The following LYSMD2 variants were observed in gnomAD, a reference collection of about 807,000 sequenced individuals.
LYSMD2 encodes lysM and putative peptidoglycan-binding domain-containing protein 2.
Under a neutral mutation model 17.7 loss-of-function variants are expected in LYSMD2, and 6 were observed. That is an observed-to-expected ratio of 0.34 (90% CI 0.19 to 0.67). The LOEUF is 0.67. LYSMD2 is among the 30% of genes least tolerant of loss of function. The pLI is 0.69. For synonymous variants in LYSMD2, 102 were observed against 129.8 expected (o/e 0.79, Z 1.45); for missense variants, 237 against 286.7 (o/e 0.83, Z 1.25).
intron 1 of LYSMD2, among the ~76,000 whole-genome samples, chr15:51,732,219 C>T (rs2055581501): frequency 6.6e-6 from 1 of 152,110 alleles, no homozygotes; most frequent in Admixed American, 6.5e-5. Context: ...CAGCCCCTGC[C>T]CTGGATCCTG....
At chr15:51,727,178 C>A (rs1289967211) in intron 1 of LYSMD2, among the ~76,000 whole-genome samples, 1 of 152,054 alleles carries the variant, frequency 6.6e-6, no homozygotes, top group East Asian at 1.9e-4. Context: ...CCTTTCAAAC[C>A]CACTCTCCCC....
At chr15:51,749,579 C>T (rs947496458) in intron 1 of LYSMD2, among the ~76,000 whole-genome samples, 5 of 152,204 alleles carry the variant, frequency 3.3e-5, no homozygotes, top group African/African-American at 4.8e-5. Context: ...TGCAGAACCA[C>T]GGGAAACCAA....
intron 1 of LYSMD2, chr15:51,751,140 C>T (rs1417983524): frequency 1.6e-6 from 1 of 614,072 alleles, no homozygotes; most frequent in Non-Finnish European, 3.0e-6. Context: ...CAGCCCCTCA[C>T]GCCATCACCC....
At chr15:51,724,002 C>T (rs1704133683) in intron 2 of LYSMD2, among the ~76,000 whole-genome samples, 1 of 151,532 alleles carries the variant, frequency 6.6e-6, no homozygotes, top group African/African-American at 2.4e-5. Context: ...CAACAAAAGG[C>T]ATATATACAA....
At chr15:51,750,125 G>C (rs1274803207) in intron 1 of LYSMD2, among the ~76,000 whole-genome samples, 1 of 152,214 alleles carries the variant, frequency 6.6e-6, no homozygotes, top group Non-Finnish European at 1.5e-5. Context: ...GCCCACAGTG[G>C]AAGGAGAGAA....
intron 1 of LYSMD2, among the ~76,000 whole-genome samples, chr15:51,736,366 T>C (rs2055608733): frequency 1.3e-5 from 2 of 152,208 alleles, no homozygotes; most frequent in Non-Finnish European, 2.9e-5. Context: ...AGTCAATACA[T>C]GACTGCACAG....
At chr15:51,730,995 A>C (rs1241406878) in intron 1 of LYSMD2, among the ~76,000 whole-genome samples, 1 of 152,250 alleles carries the variant, frequency 6.6e-6, no homozygotes, top group Non-Finnish European at 1.5e-5. Flanking sequence ...AGAAAAGTAC[A>C]TGAGATTCTA....
At chr15:51,733,091 C>T (rs770611472) in intron 1 of LYSMD2, among the ~76,000 whole-genome samples, 1 of 152,166 alleles carries the variant, frequency 6.6e-6, no homozygotes, top group Non-Finnish European at 1.5e-5. Flanking sequence ...AAGCACCAGC[C>T]ACAGTACTCC....
intron 1 of LYSMD2, among the ~76,000 whole-genome samples, chr15:51,746,991 C>T (rs1280413935): frequency 7.0e-6 from 1 of 142,672 alleles, no homozygotes; most frequent in African/African-American, 2.7e-5. Flanking sequence ...ACCAGCCTAG[C>T]CAACATGGTG....
chr15:51,748,677 A>G (rs572045315), intron 1 of LYSMD2, among the ~76,000 whole-genome samples: 8 of 152,340 alleles, frequency 5.3e-5, no homozygotes, highest in African/African-American at 1.9e-4. Context: ...GATTCATCGT[A>G]TCTCTTTACA....
At chr15:51,746,009 T>G (rs530780678) in intron 1 of LYSMD2, among the ~76,000 whole-genome samples, 1 of 152,340 alleles carries the variant, frequency 6.6e-6, no homozygotes, top group Non-Finnish European at 1.5e-5. Context: ...GGTTAGAATG[T>G]AAAATGGTGC....
At chr15:51,745,102 A>G (rs893586551) in intron 1 of LYSMD2, among the ~76,000 whole-genome samples, 1 of 152,174 alleles carries the variant, frequency 6.6e-6, no homozygotes, top group African/African-American at 2.4e-5. Flanking sequence ...AGGACAAGCA[A>G]ACACTGAATT....
upstream of LYSMD2, chr15:51,737,852 G>T (rs2055622712): frequency 3.3e-6 from 1 of 306,238 alleles, no homozygotes. The surrounding 1 kb of genome is among the most constrained non-coding windows in gnomAD (Gnocchi z 4.2). Flanking sequence ...GCAAGGTTAA[G>T]AGCGAAAGCA....
exon 1 of LYSMD2, chr15:51,751,287 C>A (rs1251929766): frequency 1.4e-6 from 1 of 702,530 alleles, no homozygotes; most frequent in Non-Finnish European, 2.6e-6. Flanking sequence ...CCGCTCTCAA[C>A]GCGGCTTCCG....
chr15:51,739,386 A>G (rs2055632279), upstream of LYSMD2, among the ~76,000 whole-genome samples: 1 of 152,220 alleles, frequency 6.6e-6, no homozygotes, highest in African/African-American at 2.4e-5. Context: ...ATTGAGGTGT[A>G]GTAAAAAGAT....
chr15:51,743,066 A>G (rs2055651155), intron 1 of LYSMD2, among the ~76,000 whole-genome samples: 1 of 152,160 alleles, frequency 6.6e-6, no homozygotes, highest in Admixed American at 6.5e-5. Context: ...TACAACCTAG[A>G]TATTCTATGT....
In LYSMD2 at chr15:51,723,550, G is replaced by T; in HGVS notation, c.*57C>A. 1 of 1,369,884 alleles carries T rather than the reference G, an allele frequency of 7.3e-7. No homozygotes were observed. The highest frequency in any genetic ancestry group is 1.0e-6 in the Non-Finnish European group (1 of 959,038). The allele number at this position is 1,369,884 out of a possible 1,614,324, so 84.9% of individuals were successfully genotyped here. A position where few individuals can be genotyped will look rare whatever the true frequency, so the allele number is the denominator to read the frequency against. On this transcript the variant is annotated 3_prime_UTR_variant, in exon 3 of 3. Transcript: ENST00000267838. ...GATGTTTTTGAATCTTCAGTTGTTG[G>T]ATTCTTTATGGTCCAAACATATCTT... is the stretch of plus-strand genomic sequence containing the variant.
At chr15:51,749,852 A>G (rs1410055214) in intron 1 of LYSMD2, among the ~76,000 whole-genome samples, 1 of 152,360 alleles carries the variant, frequency 6.6e-6, no homozygotes, top group East Asian at 1.9e-4. Flanking sequence ...CATGACTTAA[A>G]GTAATTTGGT....
chr15:51,737,688 G>T, upstream of LYSMD2: 3 of 1,100,030 alleles, frequency 2.7e-6, no homozygotes, highest in Non-Finnish European at 3.4e-6. This position sits in a 1 kb window ranked among gnomAD's most constrained non-coding sequence, Gnocchi z 4.2. Context: ...CTCCTCCGCC[G>T]CCGCCGCCGC....
Sources: allele counts gnomAD v4.1 joint callset (sites outside exome capture counted in the v4.1 genomes callset), GRCh38; gene constraint gnomAD v4.1.1; non-coding constraint Gnocchi (gnomAD v3.1); transcripts MANE v1.5; gene names NCBI Gene and HGNC (gene_info 2026-07-23, HGNC 2026-07-21).